The following CDC14B variants were observed in gnomAD, a reference collection of about 807,000 sequenced individuals.
CDC14B encodes the protein dual specificity protein phosphatase CDC14B.
Under a neutral mutation model 64.2 loss-of-function variants are expected in CDC14B, and 22 were observed. The ratio of observed to expected loss-of-function variants is 0.34; its 90% CI spans 0.24 to 0.49. The LOEUF is 0.49. CDC14B is among the 20% of genes least tolerant of loss of function. CDC14B has a pLI of 0.99. For missense variants in CDC14B, 498 were observed against 629.9 expected (o/e 0.79, Z 2.24); for synonymous variants, 191 against 215.8 (o/e 0.89, Z 1.01).
chr9:96,498,664 A>C (rs1332076848), downstream of CDC14B, among the ~76,000 whole-genome samples: 1 of 152,242 alleles, frequency 6.6e-6, no homozygotes, highest in Non-Finnish European at 1.5e-5. Context: ...TTCTTTCCCC[A>C]ATTATCTAGA....
intron 9 of CDC14B, among the ~76,000 whole-genome samples, chr9:96,528,234 G>A (rs1432101981): frequency 6.6e-6 from 1 of 152,074 alleles, no homozygotes; most frequent in Non-Finnish European, 1.5e-5. Context: ...TCAGAGTAAT[G>A]CTGCTGGCCG....
chr9:96,491,381 A>G (rs1159974954), exon 14 of CDC14B: 13 of 152,264 alleles, frequency 8.5e-5, no homozygotes, highest in Admixed American at 8.5e-4. Context: ...AGGCCACAGC[A>G]GTCGGTCATG....
intron 10 of CDC14B, 62 bp from the exon 11 acceptor site, chr9:96,523,482 C>T: frequency 6.2e-7 from 1 of 1,602,378 alleles, no homozygotes; most frequent in Non-Finnish European, 8.5e-7. Flanking sequence ...CAACTTCTTC[C>T]TACCAGATTA....
chr9:96,557,669 T>C (rs567895622), intron 4 of CDC14B, among the ~76,000 whole-genome samples: 3 of 152,334 alleles, frequency 2.0e-5, no homozygotes, highest in Admixed American at 6.5e-5. Flanking sequence ...TATTCTTAAA[T>C]TTAATTAGTA....
downstream of CDC14B, among the ~76,000 whole-genome samples, chr9:96,499,298 G>A (rs1466445563): frequency 6.6e-6 from 1 of 152,216 alleles, no homozygotes; most frequent in East Asian, 1.9e-4. Context: ...GGGGAACTGG[G>A]TAGAACTCGA....
At chr9:96,516,407 G>A (rs892660997) in intron 12 of CDC14B, among the ~76,000 whole-genome samples, 2 of 152,152 alleles carry the variant, frequency 1.3e-5, no homozygotes, top group African/African-American at 4.8e-5. Flanking sequence ...ACTTTTCTTA[G>A]TTGTTTTCCA....
intron 1 of CDC14B, among the ~76,000 whole-genome samples, chr9:96,616,143 T>G (rs192701629): frequency 6.6e-6 from 1 of 151,720 alleles, no homozygotes; most frequent in Non-Finnish European, 1.5e-5. Flanking sequence ...CTGGCCAACA[T>G]AGTGAAACCC....
chr9:96,493,279 C>T (rs982730177), intron 13 of CDC14B: 6 of 152,538 alleles, frequency 3.9e-5, no homozygotes, highest in Non-Finnish European at 8.8e-5. Context: ...CAGATTTGCT[C>T]ATTTTCTTTG....
chr9:96,576,632 CAAAAAAA>C (rs11304216), intron 1 of CDC14B, among the ~76,000 whole-genome samples: 1 of 81,664 alleles, frequency 1.2e-5, no homozygotes, highest in East Asian at 3.8e-4. Flanking sequence ...GACTCCATCT[CAAAAAAA>C]AAAAAAAAAA....
At position 96,551,111 on chromosome 9, in the gene CDC14B, C is replaced by CTTTTTTTTTTTTTTTTTTTTTTTTTTTT. The variant is rs202193145; in HGVS notation, c.497+684_497+685insAAAAAAAAAAAAAAAAAAAAAAAAAAAA. On this transcript the variant is annotated intron_variant, in intron 5 of 13. Transcript: ENST00000375241. ...TACAAAGCCTAGGTTTTGGGGTTTG[C>CTTTTTTTTTTTTTTTTTTTTTTTTTTTT]TTTTTTTTTTTTTTTTTTTGAGACA... Among the ~76,000 whole-genome samples, 20 of 93,294 alleles carry CTTTTTTTTTTTTTTTTTTTTTTTTTTTT rather than the reference C, an allele frequency of 2.1e-4. 3 individuals carry two copies. The highest frequency in any genetic ancestry group is 4.4e-4 in the African/African-American group (9 of 20,378). The allele number at this position is 93,294 out of a possible 152,430, so 61.2% of individuals were successfully genotyped here.
intron 3 of CDC14B, among the ~76,000 whole-genome samples, chr9:96,563,119 C>G (rs16911301): frequency 9.9e-5 from 15 of 152,150 alleles, no homozygotes; most frequent in African/African-American, 3.4e-4. Context: ...GTCCCCAAAG[C>G]CTTTAAGTTA....
chr9:96,589,888 G>T (rs1352174692), intron 1 of CDC14B, among the ~76,000 whole-genome samples: 1 of 151,660 alleles, frequency 6.6e-6, no homozygotes, highest in East Asian at 1.9e-4. Flanking sequence ...GTGAACCCGG[G>T]AGGCAGAGCT....
intron 13 of CDC14B, among the ~76,000 whole-genome samples, chr9:96,507,571 G>A (rs1396730025): frequency 1.3e-5 from 2 of 151,614 alleles, no homozygotes; most frequent in African/African-American, 4.8e-5. Context: ...ACCCGCCACT[G>A]CACCCAGCTA....
intron 4 of CDC14B, among the ~76,000 whole-genome samples, chr9:96,555,614 A>G (rs1217941278): frequency 6.6e-6 from 1 of 152,242 alleles, no homozygotes; most frequent in Non-Finnish European, 1.5e-5. Context: ...TCCATTTGTT[A>G]AAAGTGAATA....
At chr9:96,549,556 T>G (rs752151832) in intron 5 of CDC14B, among the ~76,000 whole-genome samples, 1 of 151,966 alleles carries the variant, frequency 6.6e-6, no homozygotes, top group Non-Finnish European at 1.5e-5. Flanking sequence ...TCCTAGCTAC[T>G]CGGGAGGCTG....
chr9:96,613,134 A>T (rs973614324), intron 1 of CDC14B, among the ~76,000 whole-genome samples: 1 of 152,214 alleles, frequency 6.6e-6, no homozygotes, highest in African/African-American at 2.4e-5. Flanking sequence ...ATTGTGGCCC[A>T]ATTTTATCTC....
chr9:96,551,778 C>T lies in CDC14B; in HGVS notation c.497+18G>A. The T allele has an allele frequency of 6.2e-7, 1 of 1,604,040 alleles. No homozygotes were observed. Reference sequence around the variant, plus strand: ...AGGATCTGATTACCTGAATCTACCACATCATTCTTATATTTACCTGAAAGG... The same window carrying T: ...AGGATCTGATTACCTGAATCTACCATATCATTCTTATATTTACCTGAAAGG... On this transcript the variant is annotated intron_variant, in intron 5 of 13. Transcript: ENST00000375241.
chr9:96,545,101 G>A (rs1261990297), intron 5 of CDC14B, among the ~76,000 whole-genome samples: 1 of 152,090 alleles, frequency 6.6e-6, no homozygotes, highest in African/African-American at 2.4e-5. Flanking sequence ...GTCTGTGATT[G>A]TGTTCAAGTT....
chr9:96,581,992 A>G (rs1417604915), intron 1 of CDC14B, among the ~76,000 whole-genome samples: 1 of 152,148 alleles, frequency 6.6e-6, no homozygotes, highest in Non-Finnish European at 1.5e-5. Context: ...GGAGACACAA[A>G]GCTGACTCCC....
Sources: gnomAD v4.1 joint callset for allele counts (sites outside exome capture counted in the v4.1 genomes callset) on GRCh38, gnomAD v4.1.1 for gene constraint, MANE v1.5 for transcripts, NCBI Gene and HGNC (gene_info 2026-07-23, HGNC 2026-07-21) for gene names.